FBXO4: variants seen among roughly 807,000 people sequenced by gnomAD.
The protein encoded by FBXO4 is F-box only protein 4.
Under a neutral mutation model 43.7 loss-of-function variants are expected in FBXO4, and 36 were observed. That is an observed-to-expected ratio of 0.82 (90% CI 0.63 to 1.09). FBXO4 has a LOEUF of 1.09. Among genes scored for constraint, FBXO4 ranks in the 50% least tolerant of loss-of-function variants. FBXO4 has a pLI of 0.00. For synonymous variants in FBXO4, 180 were observed against 165.6 expected (o/e 1.09, Z -0.67); for missense variants, 435 against 474.1 (o/e 0.92, Z 0.77).
chr5:42,006,326 G>A, the FBXO4 span, among the ~76,000 whole-genome samples: 1 of 152,004 alleles, frequency 6.6e-6, no homozygotes, highest in Non-Finnish European at 1.5e-5. Context: ...ACTGTAATGT[G>A]TTTTATATCA....
intron 5 of FBXO4, among the ~76,000 whole-genome samples, chr5:41,936,887 A>G (rs1224402302): frequency 6.6e-6 from 1 of 152,118 alleles, no homozygotes; most frequent in Non-Finnish European, 1.5e-5. Context: ...TAGGCTTATG[A>G]ACCATACAGT....
chr5:42,020,236 G>T, the FBXO4 span, among the ~76,000 whole-genome samples: 2 of 152,004 alleles, frequency 1.3e-5, 1 homozygote, highest in Non-Finnish European at 2.9e-5. Flanking sequence ...ATTATTTACG[G>T]GATAGTAATC....
chr5:41,995,068 G>T, the FBXO4 span, among the ~76,000 whole-genome samples: 2 of 152,130 alleles, frequency 1.3e-5, no homozygotes, highest in Admixed American at 1.3e-4. Context: ...AACTTCAAAA[G>T]GGAATTTCAC....
the FBXO4 span, among the ~76,000 whole-genome samples, chr5:41,976,899 C>T: frequency 6.6e-6 from 1 of 152,198 alleles, no homozygotes; most frequent in African/African-American, 2.4e-5. Flanking sequence ...GGATTCGCAT[C>T]CTGTGAAATC....
In FBXO4 at chr5:41,934,984, C is replaced by T. The variant is rs1488957426; in HGVS notation, c.898+676C>T. 3 of 983,902 alleles carry T rather than the reference C, an allele frequency of 3.0e-6. No homozygotes were observed. In the African/African-American group the frequency reaches 5.2e-5, roughly 17 times the overall value. The allele number at this position is 983,902 out of a possible 1,614,324, so 60.9% of individuals were successfully genotyped here. A position where few individuals can be genotyped will look rare whatever the true frequency, so the allele number is the denominator to read the frequency against. On this transcript the variant is annotated intron_variant, in intron 5 of 6. Transcript: ENST00000281623. The stretch of plus-strand genomic sequence containing the variant: ...TTCTCTAATACACTGGTTTGAATTT[C>T]TATTCAATTTATTTTCCCTGTGATC...
chr5:41,998,392 T>C, the FBXO4 span, among the ~76,000 whole-genome samples: 11 of 152,236 alleles, frequency 7.2e-5, no homozygotes, highest in South Asian at 1.5e-3. Context: ...CGGGGATGAG[T>C]AGGTCTAAAG....
chr5:41,969,959 C>A, the FBXO4 span, among the ~76,000 whole-genome samples: 1 of 151,450 alleles, frequency 6.6e-6, no homozygotes, highest in Non-Finnish European at 1.5e-5. Context: ...AGCTGAGAAT[C>A]AATAAAGGCC....
chr5:41,971,746 G>A, the FBXO4 span, among the ~76,000 whole-genome samples: 1 of 152,024 alleles, frequency 6.6e-6, no homozygotes, highest in South Asian at 2.1e-4. Context: ...ATTATGTTTA[G>A]TTTATTAAAG....
At chr5:41,933,876 T>C in intron 3 of FBXO4, 70 bp from the exon 4 acceptor site, 2 of 1,292,198 alleles carry the variant, frequency 1.5e-6, no homozygotes, top group Non-Finnish European at 2.2e-6. Flanking sequence ...TTTCACCGGG[T>C]AATTTTCAGT....
the FBXO4 span, among the ~76,000 whole-genome samples, chr5:41,947,667 G>A: frequency 1.3e-5 from 2 of 152,194 alleles, no homozygotes; most frequent in Non-Finnish European, 2.9e-5. Flanking sequence ...GAAATTGGGA[G>A]AACATGGATA....
the FBXO4 span, among the ~76,000 whole-genome samples, chr5:41,990,719 C>T: frequency 6.6e-6 from 1 of 151,750 alleles, no homozygotes; most frequent in Non-Finnish European, 1.5e-5. Flanking sequence ...TTTATTAGAC[C>T]ATGGAAAGAG....
chr5:41,937,490 C>T (rs753074066), intron 5 of FBXO4, among the ~76,000 whole-genome samples: 9 of 152,118 alleles, frequency 5.9e-5, no homozygotes, highest in Non-Finnish European at 1.3e-4. Flanking sequence ...TTCATTTGTG[C>T]CACTGTAACA....
At chr5:42,025,563 A>C in the FBXO4 span, among the ~76,000 whole-genome samples, 1 of 151,640 alleles carries the variant, frequency 6.6e-6, no homozygotes, top group African/African-American at 2.4e-5. Context: ...CCATTTATTC[A>C]TTTTTGCTTT....
chr5:42,020,891 C>T, the FBXO4 span, among the ~76,000 whole-genome samples: 1 of 152,012 alleles, frequency 6.6e-6, no homozygotes, highest in Non-Finnish European at 1.5e-5. Context: ...TAAACTAAGA[C>T]CTTAAAGATG....
chr5:42,034,545 G>A, the FBXO4 span, among the ~76,000 whole-genome samples: 2 of 152,242 alleles, frequency 1.3e-5, no homozygotes, highest in Admixed American at 1.3e-4. Context: ...TTTGTATAAG[G>A]TGTAAGGAAG....
the FBXO4 span, among the ~76,000 whole-genome samples, chr5:42,011,377 T>G: frequency 2.0e-5 from 3 of 152,204 alleles, no homozygotes; most frequent in African/African-American, 7.2e-5. Flanking sequence ...TCTCTTCTCT[T>G]GGCACATGCC....
the FBXO4 span, among the ~76,000 whole-genome samples, chr5:42,018,223 A>G: frequency 1.3e-5 from 2 of 151,046 alleles, no homozygotes; most frequent in Non-Finnish European, 3.0e-5. Flanking sequence ...CCCATGATAA[A>G]CTCTAGGTTG....
chr5:42,012,113 A>G, the FBXO4 span, among the ~76,000 whole-genome samples: 1 of 152,308 alleles, frequency 6.6e-6, no homozygotes, highest in Non-Finnish European at 1.5e-5. Flanking sequence ...GTTCAATATT[A>G]GTAGGAACTC....
chr5:41,934,577 G>T, intron 5 of FBXO4: 1 of 1,331,052 alleles, frequency 7.5e-7, no homozygotes, highest in Non-Finnish European at 9.6e-7. Flanking sequence ...TTGGGCATCT[G>T]TTTTTTCCAA....
Sources: gnomAD v4.1 joint callset for allele counts (sites outside exome capture counted in the v4.1 genomes callset) on GRCh38, gnomAD v4.1.1 for gene constraint, MANE v1.5 for transcripts, NCBI Gene and HGNC (gene_info 2026-07-23, HGNC 2026-07-21) for gene names.